Variants in PTGIS observed in about 807,000 individuals in gnomAD.
The protein encoded by PTGIS is prostacyclin synthase.
Under a neutral mutation model 50.3 loss-of-function variants are expected in PTGIS, and 45 were observed. That is an observed-to-expected ratio of 0.90 (90% CI 0.70 to 1.15). The LOEUF (loss-of-function observed/expected upper bound fraction) is 1.15. Among genes scored for constraint, PTGIS ranks in the 50% most tolerant of loss-of-function variants. PTGIS has a pLI of 0.00. For synonymous variants in PTGIS, 260 were observed against 267.7 expected, an observed-to-expected ratio of 0.97 and a Z score of 0.28; for missense variants, 668 against 661.3, an observed-to-expected ratio of 1.01 and a Z score of -0.11.
At chr20:49,558,989 AG>A (rs1982693464) in intron 1 of PTGIS, among the ~76,000 whole-genome samples, 1 of 152,112 alleles carries the variant, frequency 6.6e-6, no homozygotes, top group South Asian at 2.1e-4. Context: ...CTGGGATTAG[AG>A]GCGTGAACCA....
In PTGIS at chr20:49,524,197, T is replaced by G. The variant is rs769951077; in HGVS notation, c.716A>C (p.Lys239Thr). 11 of 1,614,174 alleles carry G rather than the reference T, an allele frequency of 6.8e-6. No individual in the cohort carries two copies. The highest frequency in any genetic ancestry group is 9.3e-6 in the Non-Finnish European group (11 of 1,180,038). The change falls in exon 6 of 10, where the codon AAG becomes ACG. Residue 239 changes from lysine (K) to threonine (T), a missense_variant. Transcript: ENST00000244043. ...HMCSVKSRLW[K>T]LLSPARLARR... ...GGCCAGCCTGGCTGGGGATAGCAGC[T>G]TCCACAGGCGACTTTTGACACTGCA...
In PTGIS at chr20:49,544,289, G is replaced by C. The variant is rs201060967; in HGVS notation, c.521+16C>G. On this transcript the variant is annotated intron_variant, in intron 4 of 9. Transcript: ENST00000244043. ...TGCCGGGCCCCAGCAGGAGGGTGGG[G>C]GCTGCACAGCCTCACCTGAGCAGGA... The C allele has an allele frequency of 1.9e-6, 3 of 1,613,908 alleles. No homozygotes were observed. The Admixed American group carries it at 5.0e-5, about 27-fold the overall frequency.
intron 1 of PTGIS, among the ~76,000 whole-genome samples, chr20:49,555,337 T>C (rs112820232): frequency 0.03 from 4,518 of 152,296 alleles, 201 homozygotes; most frequent in African/African-American, 0.096. Context: ...TTTGGCTAAA[T>C]GAATGACTTA....
intron 4 of PTGIS, among the ~76,000 whole-genome samples, chr20:49,542,920 G>A (rs79169959): frequency 0.019 from 2,889 of 151,858 alleles, 80 homozygotes; most frequent in African/African-American, 0.065. Context: ...CTCCTAGAGC[G>A]ATTGTGAGCA....
At chr20:49,508,229 T>C (rs1981209065) in intron 9 of PTGIS, among the ~76,000 whole-genome samples, 165 bp from the exon 10 acceptor site, 1 of 152,168 alleles carries the variant, frequency 6.6e-6, no homozygotes. Context: ...CTCACCACAT[T>C]TGCCAGCCCC....
chr20:49,516,732 G>A lies in PTGIS; in HGVS notation c.856-2337C>T, dbSNP rs535828907. On this transcript the variant is annotated intron_variant, in intron 6 of 9. Coordinates refer to ENST00000244043, the MANE Select transcript of PTGIS (RefSeq NM_000961.4). ...CTCCTCTGCTCAATACTTCCATCAC[G>A]CAGGTGCCATTATTAGGCCTTTTAC... 5.3e-5 allele frequency among the ~76,000 whole-genome samples: 8 copies of A among 152,272 alleles called. No individual in the cohort carries two copies. In the East Asian group the frequency reaches 7.7e-4, roughly 15 times the overall value.
At chr20:49,528,960 G>C (rs2122861702) in intron 5 of PTGIS, among the ~76,000 whole-genome samples, 1 of 152,294 alleles carries the variant, frequency 6.6e-6, no homozygotes, top group Non-Finnish European at 1.5e-5. Flanking sequence ...ACTTACCACT[G>C]TTATTACTTA....
At chr20:49,533,309 C>A (rs977327509) in intron 5 of PTGIS, among the ~76,000 whole-genome samples, 7 of 152,008 alleles carry the variant, frequency 4.6e-5, no homozygotes, top group African/African-American at 1.7e-4. Context: ...TATAAGAATG[C>A]CTTTTTCCCC....
intron 6 of PTGIS, 73 bp from the exon 7 acceptor site, chr20:49,514,468 G>A (rs1230669000): frequency 1.7e-5 from 27 of 1,551,884 alleles, no homozygotes; most frequent in South Asian, 2.3e-5. Flanking sequence ...GACACAGCTC[G>A]GGCCAAGACA....
At position 49,504,825 on chromosome 20, in the gene PTGIS, TAAG is replaced by T. The variant is rs1981097031; in HGVS notation, c.*3092_*3094del. 6.6e-6 allele frequency: 1 copy of T among 151,846 alleles called. No individual in the cohort carries two copies. Among genetic ancestry groups the T allele is most frequent in the Non-Finnish European group, 1.5e-5 (1 of 67,972 alleles). The allele number at this position is 151,846 out of a possible 1,614,324, so 9.4% of individuals were successfully genotyped here. Reference sequence around the variant, plus strand: ...AAGGAAACACTTCATTAGATCAACTTAAGAGTATTTTATTCTTGGCTGGGCGCG... The same window carrying T: ...AAGGAAACACTTCATTAGATCAACTTAGTATTTTATTCTTGGCTGGGCGCG... On this transcript the variant is annotated 3_prime_UTR_variant, in exon 10 of 10. Transcript: ENST00000244043.
intron 7 of PTGIS, 145 bp downstream of exon 7, chr20:49,514,082 G>A: frequency 4.4e-6 from 4 of 911,078 alleles, no homozygotes; most frequent in Middle Eastern, 2.5e-4. Flanking sequence ...GATGCCAGGT[G>A]TGTGAAGATA....
chr20:49,513,058 A>G (rs1555803165), intron 8 of PTGIS, 22 bp downstream of exon 8: 1 of 1,613,948 alleles, frequency 6.2e-7, no homozygotes, highest in South Asian at 1.1e-5. Context: ...ACCCCATATG[A>G]CCAGGCGCCC....
chr20:49,553,516 T>G (rs1402341517), intron 1 of PTGIS, among the ~76,000 whole-genome samples: 1 of 152,026 alleles, frequency 6.6e-6, no homozygotes, highest in Non-Finnish European at 1.5e-5. Flanking sequence ...AATAAATGCT[T>G]ATAAATAAAT....
chr20:49,534,280 G>A (rs1484111717), intron 5 of PTGIS, among the ~76,000 whole-genome samples: 1 of 152,202 alleles, frequency 6.6e-6, no homozygotes, highest in African/African-American at 2.4e-5. Flanking sequence ...TCAAAGGAAT[G>A]TGCATTTTAT....
At chr20:49,525,424 C>T (rs1389320611) in intron 5 of PTGIS, among the ~76,000 whole-genome samples, 1 of 152,190 alleles carries the variant, frequency 6.6e-6, no homozygotes, top group African/African-American at 2.4e-5. Flanking sequence ...CACCATTAAA[C>T]AGACAATGGT....
Position 49,507,202 on chromosome 20 carries a change from A to G in PTGIS, c.*718T>C, listed in dbSNP as rs1276984948. The G allele has an allele frequency of 6.4e-6, 1 of 156,396 alleles. No individual in the cohort carries two copies. Among genetic ancestry groups the G allele is most frequent in the East Asian group, 1.9e-4 (1 of 5,296 alleles). The allele number at this position is 156,396 out of a possible 1,614,324, so 9.7% of individuals were successfully genotyped here. On this transcript the variant is annotated 3_prime_UTR_variant, in exon 10 of 10. Transcript: ENST00000244043. ...TGTGTCTTCCTTAGCTCCCTACCTG[A>G]GTGCTGACACTGAGAAAGCCCATCC...
At chr20:49,543,574 G>C (rs910889016) in intron 4 of PTGIS, among the ~76,000 whole-genome samples, 1 of 152,088 alleles carries the variant, frequency 6.6e-6, no homozygotes, top group Admixed American at 6.6e-5. Flanking sequence ...CACACTGGCC[G>C]TCTCTCTGAG....
At position 49,532,750 on chromosome 20, in the gene PTGIS, A is replaced by T. The variant is rs192281393; in HGVS notation, c.673+6820T>A. 1.4e-4 allele frequency among the ~76,000 whole-genome samples: 21 copies of T among 152,326 alleles called. No individual in the cohort carries two copies. In the East Asian group the frequency reaches 2.7e-3, roughly 20 times the overall value. On this transcript the variant is annotated intron_variant, in intron 5 of 9. Coordinates refer to ENST00000244043, the MANE Select transcript of PTGIS (RefSeq NM_000961.4). Reference sequence around the variant, plus strand: ...TGAAGACAGAGAGCATTGAAATCCCAGCTCTTCCCTTTCTAACGAGATGAC... The same window carrying T: ...TGAAGACAGAGAGCATTGAAATCCCTGCTCTTCCCTTTCTAACGAGATGAC...
chr20:49,551,012 C>T (rs1298323913), intron 1 of PTGIS, among the ~76,000 whole-genome samples: 7 of 152,030 alleles, frequency 4.6e-5, no homozygotes, highest in African/African-American at 9.7e-5. Context: ...AAGACCGGCC[C>T]GGCCATCATG....
Sources: allele counts gnomAD v4.1 joint callset (sites outside exome capture counted in the v4.1 genomes callset), GRCh38; gene constraint gnomAD v4.1.1; transcripts MANE v1.5; gene names NCBI Gene and HGNC (gene_info 2026-07-23, HGNC 2026-07-21).